The following PRKCA variants were observed in gnomAD, a reference collection of about 807,000 sequenced individuals.
PRKCA encodes the protein protein kinase C alpha.
PRKCA carries 27 observed loss-of-function variants against 87.0 expected under a neutral mutation model. The observed-to-expected ratio is 0.31, with a 90% confidence interval of 0.23 to 0.43. The LOEUF is 0.43. Among genes scored for constraint, PRKCA ranks in the 20% least tolerant of loss-of-function variants. PRKCA has a pLI of 1.00. For synonymous variants in PRKCA, 329 were observed against 311.1 expected, an observed-to-expected ratio of 1.06 and a Z score of -0.61; for missense variants, 518 against 852.3, an observed-to-expected ratio of 0.61 and a Z score of 4.88.
At chr17:66,710,496 C>T (rs997969078) in intron 8 of PRKCA, among the ~76,000 whole-genome samples, 1 of 152,076 alleles carries the variant, frequency 6.6e-6, no homozygotes, top group African/African-American at 2.4e-5. Context: ...TTTCCTCATC[C>T]ACTTTCCTTC....
At chr17:66,715,495 C>T (rs1363574282) in intron 8 of PRKCA, among the ~76,000 whole-genome samples, 1 of 152,204 alleles carries the variant, frequency 6.6e-6, no homozygotes, top group African/African-American at 2.4e-5. Context: ...TCCCCCCAGG[C>T]CCTTTCTTGG....
At chr17:66,547,987 T>C (rs188671932) in intron 3 of PRKCA, among the ~76,000 whole-genome samples, 2 of 152,342 alleles carry the variant, frequency 1.3e-5, no homozygotes, top group Admixed American at 1.3e-4. Context: ...TCCACTCTTT[T>C]TTTCTTAGGC....
At chr17:66,556,871 G>A (rs555701877) in intron 3 of PRKCA, among the ~76,000 whole-genome samples, 2 of 152,140 alleles carry the variant, frequency 1.3e-5, no homozygotes, top group Non-Finnish European at 2.9e-5. Flanking sequence ...CCCATCTCGG[G>A]TATGTCCTTA....
chr17:66,424,596 C>CACAT (rs1555602416), intron 2 of PRKCA, among the ~76,000 whole-genome samples: 1 of 151,754 alleles, frequency 6.6e-6, no homozygotes, highest in Non-Finnish European at 1.5e-5. Flanking sequence ...CACACACACA[C>CACAT]ACATCTTTGA....
At chr17:66,378,991 G>A (rs1304649418) in intron 2 of PRKCA, among the ~76,000 whole-genome samples, 2 of 151,622 alleles carry the variant, frequency 1.3e-5, no homozygotes, top group Non-Finnish European at 2.9e-5. Context: ...CATTTATACT[G>A]CAGAATGAAT....
chr17:66,487,624 T>C (rs1174321038), intron 2 of PRKCA, among the ~76,000 whole-genome samples: 1 of 152,220 alleles, frequency 6.6e-6, no homozygotes, highest in Non-Finnish European at 1.5e-5. Context: ...TCTACCACTT[T>C]ACATTCCCAC....
intron 3 of PRKCA, among the ~76,000 whole-genome samples, chr17:66,614,129 C>A (rs1970452979): frequency 6.6e-6 from 1 of 152,066 alleles, no homozygotes; most frequent in Non-Finnish European, 1.5e-5. Flanking sequence ...CCTGCAGAGA[C>A]CCTATTTCCA....
rs1358779753 is a variant in PRKCA at position 66,692,634 on chromosome 17, C to G, written c.918+3587C>G. ...CCAATTTGAGGCACCTCTTTGAGCC[C>G]CCACCCCGTTTCCTCCTTTTCGGTC... On this transcript the variant is annotated intron_variant, in intron 8 of 16. Transcript: ENST00000413366. Among the ~76,000 whole-genome samples the G allele has an allele frequency of 2.6e-5, 4 of 152,254 alleles. No homozygotes were observed. In the South Asian group the frequency reaches 8.3e-4, roughly 32 times the overall value.
chr17:66,551,825 CT>C (rs1417882394), intron 3 of PRKCA, among the ~76,000 whole-genome samples: 1 of 151,998 alleles, frequency 6.6e-6, no homozygotes, highest in African/African-American at 2.4e-5. Context: ...CTCTTCTTTC[CT>C]TTAATGAAGT....
intron 2 of PRKCA, among the ~76,000 whole-genome samples, chr17:66,343,217 A>T (rs1907150267): frequency 6.6e-6 from 1 of 152,168 alleles, no homozygotes; most frequent in African/African-American, 2.4e-5. Flanking sequence ...AAGTAATTTA[A>T]GTACCAAGTT....
intron 2 of PRKCA, among the ~76,000 whole-genome samples, chr17:66,414,196 G>A (rs1215390381): frequency 6.6e-6 from 1 of 152,118 alleles, no homozygotes; most frequent in East Asian, 1.9e-4. Flanking sequence ...CCCCAGTGTT[G>A]GAGGTGGGGT....
intron 8 of PRKCA, among the ~76,000 whole-genome samples, chr17:66,707,198 GCT>G (rs1400078196): frequency 1.3e-5 from 2 of 152,084 alleles, no homozygotes; most frequent in Non-Finnish European, 2.9e-5. Context: ...TCAGTCCTAG[GCT>G]TTTCAAATCC....
chr17:66,308,292 A>C (rs1387453282), intron 2 of PRKCA, among the ~76,000 whole-genome samples: 1 of 151,864 alleles, frequency 6.6e-6, no homozygotes, highest in East Asian at 1.9e-4. Context: ...TTTACCAGTG[A>C]AGATATCGGG....
intron 16 of PRKCA, among the ~76,000 whole-genome samples, chr17:66,794,293 C>T (rs1201063443): frequency 6.6e-6 from 1 of 152,106 alleles, no homozygotes; most frequent in Non-Finnish European, 1.5e-5. Context: ...TGACCCACAG[C>T]AAGAGCCAAA....
intron 8 of PRKCA, among the ~76,000 whole-genome samples, chr17:66,708,251 A>G (rs1973236619): frequency 6.6e-6 from 1 of 152,208 alleles, no homozygotes. Flanking sequence ...ATTTGGCACT[A>G]GTGCAGCTTC....
chr17:66,628,338 T>A (rs779209414), intron 3 of PRKCA, among the ~76,000 whole-genome samples: 2 of 152,128 alleles, frequency 1.3e-5, no homozygotes, highest in Admixed American at 6.5e-5. Flanking sequence ...ATCACCTGAA[T>A]GTTTAGGAAT....
At chr17:66,700,976 A>G (rs1973045948) in intron 8 of PRKCA, among the ~76,000 whole-genome samples, 1 of 152,130 alleles carries the variant, frequency 6.6e-6, no homozygotes, top group Admixed American at 6.6e-5. Context: ...TGAAGCCACA[A>G]AAGACCCTGA....
chr17:66,647,513 G>A (rs1971485341), intron 5 of PRKCA, among the ~76,000 whole-genome samples: 1 of 152,164 alleles, frequency 6.6e-6, no homozygotes, highest in African/African-American at 2.4e-5. Context: ...TGCTGGACAC[G>A]CCCCGTGCCG....
intron 3 of PRKCA, among the ~76,000 whole-genome samples, chr17:66,605,208 A>T (rs1255876923): frequency 6.6e-6 from 1 of 152,220 alleles, no homozygotes; most frequent in Non-Finnish European, 1.5e-5. Flanking sequence ...ATGGCTACTG[A>T]TCACAGTGAG....
Sources: allele counts gnomAD v4.1 joint callset (sites outside exome capture counted in the v4.1 genomes callset), GRCh38; gene constraint gnomAD v4.1.1; transcripts MANE v1.5; gene names NCBI Gene and HGNC (gene_info 2026-07-23, HGNC 2026-07-21).